Variants in ETS1 observed in about 807,000 individuals in gnomAD.
The protein encoded by ETS1 is protein C-ets-1.
A neutral mutation model predicts 58.6 loss-of-function variants in ETS1; 15 were observed. That is an observed-to-expected ratio of 0.26 (90% confidence interval 0.17 to 0.39). The LOEUF (loss-of-function observed/expected upper bound fraction) is 0.39, where lower values mean the gene tolerates loss of function less well. Among genes scored for constraint, ETS1 ranks in the 10% least tolerant of loss-of-function variants. The pLI is 1.00. For synonymous variants in ETS1, 214 were observed against 218.2 expected (o/e 0.98, Z 0.17); for missense variants, 417 against 610.5 (o/e 0.68, Z 3.34).
rs1290641067 is a variant in ETS1 at position 128,585,044 on chromosome 11, GA to G, written c.-15+2443del. On this transcript the variant is annotated intron_variant, in intron 1 of 9. Transcript: ENST00000392668. ...AGAAGAAAGAAAGAAAAGAAAGAAA[GA>G]AAGAAAGAAAGAAAGAAAGAAAGAA... Among the ~76,000 whole-genome samples the G allele has an allele frequency of 8.7e-4, 16 of 18,322 alleles. 2 individuals carry two copies. The highest frequency in any genetic ancestry group is 3.5e-3 in the African/African-American group (7 of 2,014). 12.0% of individuals were successfully genotyped at this position (18,322 alleles called of 152,430 possible).
intron 3 of ETS1, among the ~76,000 whole-genome samples, chr11:128,538,747 TACACACATACACACACACAC>T (rs1300580022): frequency 8.2e-6 from 1 of 121,250 alleles, no homozygotes; most frequent in African/African-American, 4.2e-5. Context: ...CACACACACA[TACACACATACACACACACAC>T]ACACACACAC....
At chr11:128,500,413 A>G (rs1863057209) in intron 3 of ETS1, among the ~76,000 whole-genome samples, 1 of 152,188 alleles carries the variant, frequency 6.6e-6, no homozygotes, top group Non-Finnish European at 1.5e-5. Flanking sequence ...TTATATAAAT[A>G]CATTTTTAAA....
At chr11:128,546,880 AGT>A (rs1045677505) in intron 3 of ETS1, among the ~76,000 whole-genome samples, 5 of 152,202 alleles carry the variant, frequency 3.3e-5, no homozygotes, top group African/African-American at 1.2e-4. Context: ...CGCAGATCAT[AGT>A]GTGACTTTTC....
chr11:128,527,620 A>C (rs1030981668), intron 3 of ETS1, among the ~76,000 whole-genome samples: 3 of 152,172 alleles, frequency 2.0e-5, no homozygotes, highest in Non-Finnish European at 4.4e-5. Flanking sequence ...TAGAGGGATA[A>C]TGGCAATAGC....
rs544206294 is a variant in ETS1 at position 128,482,919 on chromosome 11, T to C, written c.862+1904A>G. On this transcript the variant is annotated intron_variant, in intron 7 of 9. Coordinates refer to ENST00000392668, the MANE Select transcript of ETS1 (RefSeq NM_001143820.2). Reference sequence around the variant, plus strand: ...AGTAGACTCGTACAAAGACAGTCCTTAGGGCCCAAATAAGTGGGGCATAGA... The same window carrying C: ...AGTAGACTCGTACAAAGACAGTCCTCAGGGCCCAAATAAGTGGGGCATAGA... 3.0e-4 allele frequency among the ~76,000 whole-genome samples: 45 copies of C among 152,266 alleles called. 2 individuals are homozygous for C. The South Asian group carries it at 7.0e-3, about 24-fold the overall frequency.
chr11:128,564,833 G>C (rs1230117717), intron 2 of ETS1, among the ~76,000 whole-genome samples: 1 of 152,040 alleles, frequency 6.6e-6, no homozygotes, highest in Non-Finnish European at 1.5e-5. Context: ...CCTGGTTATG[G>C]ACACGGTTGG....
chr11:128,487,321 A>G (rs1444451555), intron 5 of ETS1, among the ~76,000 whole-genome samples: 1 of 152,256 alleles, frequency 6.6e-6, no homozygotes, highest in East Asian at 1.9e-4. Context: ...TAATTCTCTT[A>G]AATTTTCTTA....
In ETS1 at chr11:128,464,601, A is replaced by C. The variant is rs1861985822; in HGVS notation, c.1124-974T>G. On this transcript the variant is annotated intron_variant, in intron 8 of 9. Transcript: ENST00000392668. The surrounding 1 kb of genome is among the most constrained non-coding windows in gnomAD (Gnocchi z 4.1). ...TTACACTGCCCCTTATAACATAAAC[A>C]AACTGGGCAGAGCGGGACTGGGAAA... Among the ~76,000 whole-genome samples the C allele has an allele frequency of 6.6e-6, 1 of 152,160 alleles. No individual in the cohort carries two copies.
intron 1 of ETS1, among the ~76,000 whole-genome samples, chr11:128,578,711 T>C (rs2135590788): frequency 6.6e-6 from 1 of 152,328 alleles, no homozygotes; most frequent in South Asian, 2.1e-4. Flanking sequence ...TTTACCTTCA[T>C]GAGATTATTC....
At chr11:128,567,629 T>TTTTTGTTTTTGC (rs1864531739) in intron 2 of ETS1, among the ~76,000 whole-genome samples, 1 of 150,820 alleles carries the variant, frequency 6.6e-6, no homozygotes, top group Admixed American at 6.6e-5. Context: ...TTTGTTTTTG[T>TTTTTGTTTTTGC]TTTTGTTTTT....
chr11:128,566,510 G>C (rs1057240930), intron 2 of ETS1, among the ~76,000 whole-genome samples: 1 of 152,096 alleles, frequency 6.6e-6, no homozygotes, highest in Non-Finnish European at 1.5e-5. Context: ...AGGGCCGGGC[G>C]CAGTGGCTCA....
chr11:128,579,314 A>G (rs1352597308), intron 1 of ETS1, among the ~76,000 whole-genome samples: 2 of 152,098 alleles, frequency 1.3e-5, no homozygotes, highest in East Asian at 1.9e-4. Context: ...TAGGATTCCT[A>G]TCAATTCAAA....
intron 3 of ETS1, among the ~76,000 whole-genome samples, chr11:128,495,891 A>AT (rs1862926061): frequency 1.3e-5 from 2 of 152,172 alleles, no homozygotes; most frequent in African/African-American, 4.8e-5. Flanking sequence ...AGAGTTTTAC[A>AT]TTTTTTATTT....
intron 3 of ETS1, among the ~76,000 whole-genome samples, chr11:128,500,745 A>G (rs934809676): frequency 2.6e-5 from 4 of 152,186 alleles, no homozygotes; most frequent in African/African-American, 9.7e-5. Flanking sequence ...GATTCTCAAT[A>G]TTGGCAGCCA....
At chr11:128,529,874 T>C (rs1314887733) in intron 3 of ETS1, among the ~76,000 whole-genome samples, 2 of 152,228 alleles carry the variant, frequency 1.3e-5, no homozygotes, top group East Asian at 3.8e-4. Flanking sequence ...CAATGCTAAC[T>C]CTACCAACAG....
At chr11:128,481,424 C>CAAA (rs10707155) in intron 7 of ETS1, among the ~76,000 whole-genome samples, 1 of 134,174 alleles carries the variant, frequency 7.5e-6, no homozygotes, top group Admixed American at 7.3e-5. Context: ...AGGAGGCTAG[C>CAAA]AAAAAAAAAA....
intron 3 of ETS1, among the ~76,000 whole-genome samples, chr11:128,507,757 T>C (rs535252682): frequency 9.2e-5 from 14 of 152,310 alleles, no homozygotes; most frequent in African/African-American, 2.6e-4. Flanking sequence ...TGCCAGGTCT[T>C]CACTGACCTG....
At chr11:128,531,758 T>C (rs146337456) in intron 3 of ETS1, among the ~76,000 whole-genome samples, 388 of 152,358 alleles carry the variant, frequency 2.5e-3, no homozygotes, top group African/African-American at 9.1e-3. Context: ...ATTGCACGTT[T>C]GATAGCCAAT....
At chr11:128,514,201 C>A (rs909226399) in intron 3 of ETS1, among the ~76,000 whole-genome samples, 2 of 151,882 alleles carry the variant, frequency 1.3e-5, no homozygotes, top group Non-Finnish European at 1.5e-5. Context: ...TTCTGATAAA[C>A]TGATACAGAG....
Sources: gnomAD v4.1 joint callset for allele counts (sites outside exome capture counted in the v4.1 genomes callset) on GRCh38, gnomAD v4.1.1 for gene constraint, Gnocchi (gnomAD v3.1) non-coding constraint, MANE v1.5 for transcripts, NCBI Gene and HGNC (gene_info 2026-07-23, HGNC 2026-07-21) for gene names.